Variants in SEPTIN9 observed in about 807,000 individuals in gnomAD.
SEPTIN9 encodes septin-9.
Under a neutral mutation model 56.6 loss-of-function variants are expected in SEPTIN9, and 13 were observed. The ratio of observed to expected loss-of-function variants is 0.23; its 90% CI spans 0.15 to 0.37. The LOEUF is 0.37. SEPTIN9 is among the 10% of genes least tolerant of loss of function. The probability of loss-of-function intolerance (pLI) is 1.00; values close to 1 mark genes in which losing one functional copy is unlikely to be tolerated. For missense variants in SEPTIN9, 650 were observed against 823.1 expected, an observed-to-expected ratio of 0.79 and a Z score of 2.57; for synonymous variants, 332 against 334.1, an observed-to-expected ratio of 0.99 and a Z score of 0.07.
chr17:77,335,399 G>T (rs2033511302), intron 2 of SEPTIN9, among the ~76,000 whole-genome samples: 2 of 149,514 alleles, frequency 1.3e-5, no homozygotes, highest in Non-Finnish European at 3.0e-5. Context: ...TGTATATGTG[G>T]TCCTGTATTA....
intron 2 of SEPTIN9, among the ~76,000 whole-genome samples, chr17:77,363,379 C>CTTTTTTT (rs34313886): frequency 1.1e-4 from 7 of 66,620 alleles, no homozygotes; most frequent in Admixed American, 4.5e-4. Context: ...TTGGGCCTGT[C>CTTTTTTT]TTTTTTTTTT....
Position 77,281,533 on chromosome 17 carries a change from A to G in SEPTIN9, c.-3A>G. 2 of 1,549,510 alleles carry G rather than the reference A, an allele frequency of 1.3e-6. No homozygotes were observed. Among genetic ancestry groups the G allele is most frequent in the Non-Finnish European group, 1.7e-6 (2 of 1,147,366 alleles). ...TCCTGGGAGCGGCGGCCACGGAGGC[A>G]CCATGAAGAAGTCTTACTCAGGTGG... On this transcript the variant is annotated 5_prime_UTR_variant, in exon 1 of 12. Coordinates refer to ENST00000427177, the MANE Select transcript of SEPTIN9 (RefSeq NM_001113491.2).
chr17:77,384,703 C>G (rs2035270536), intron 2 of SEPTIN9, among the ~76,000 whole-genome samples: 1 of 151,868 alleles, frequency 6.6e-6, no homozygotes, highest in Non-Finnish European at 1.5e-5. Flanking sequence ...ACAGTCCGAG[C>G]CAAGAATGAC....
At position 77,485,847 on chromosome 17, in the gene SEPTIN9, TTG is replaced by T. The variant is rs574527591; in HGVS notation, c.914-1573_914-1572del. On this transcript the variant is annotated intron_variant, in intron 4 of 11. Transcript: ENST00000427177. ...AGTGTAATTTAGGGTGTTTTTTGTG[TTG>T]TGTTTTTTTGAGACAGGGTCTCATT... Among the ~76,000 whole-genome samples, 611 of 152,146 alleles carry T rather than the reference TTG, an allele frequency of 4.0e-3. 10 individuals are homozygous for T. Among genetic ancestry groups the T allele is most frequent in the Non-Finnish European group, 3.0e-3 (205 of 68,016 alleles).
chr17:77,335,232 A>G (rs1445091783), intron 2 of SEPTIN9, among the ~76,000 whole-genome samples: 1 of 151,172 alleles, frequency 6.6e-6, no homozygotes, highest in Admixed American at 6.6e-5. Flanking sequence ...GTGGTCCTGT[A>G]TTAGTATATG....
At chr17:77,291,624 C>G (rs2031559067) in intron 1 of SEPTIN9, among the ~76,000 whole-genome samples, 1 of 152,034 alleles carries the variant, frequency 6.6e-6, no homozygotes, top group Non-Finnish European at 1.5e-5. Flanking sequence ...GAGAGTGAAA[C>G]TCCGTCTCAA....
In SEPTIN9 at chr17:77,492,631, A is replaced by G. The variant is rs1302962777; in HGVS notation, c.1391A>G (p.Asp464Gly). The part of the protein sequence containing the change: ...RVHFKQRITA[D>G]LLSNGIDVYP... ...CCCTCCTTATCCCAGATCACCGCAG[A>G]CCTGCTGTCCAACGGCATCGACGTG... Residue 464 changes from aspartate (D) to glycine (G), a missense_variant, in exon 9 of 12, where the codon GAC (aspartate) becomes GGC (glycine). By Grantham distance (94) the Asp-to-Gly change is moderately conservative. Coordinates refer to ENST00000427177, the MANE Select transcript of SEPTIN9 (RefSeq NM_001113491.2). This position sits in a 1 kb window ranked among gnomAD's most constrained non-coding sequence, Gnocchi z 5.4. 6.2e-7 allele frequency: 1 copy of G among 1,614,012 alleles called. No individual in the cohort carries two copies. Among genetic ancestry groups the G allele is most frequent in the South Asian group, 1.1e-5 (1 of 91,082 alleles).
At chr17:77,286,926 C>T (rs111640870) in intron 1 of SEPTIN9, among the ~76,000 whole-genome samples, 5 of 152,284 alleles carry the variant, frequency 3.3e-5, no homozygotes, top group East Asian at 3.9e-4. Flanking sequence ...TGGGTTCCTG[C>T]GCCTCTGTTT....
At chr17:77,459,850 G>C (rs1028626260) in intron 3 of SEPTIN9, among the ~76,000 whole-genome samples, 6 of 152,030 alleles carry the variant, frequency 3.9e-5, no homozygotes, top group African/African-American at 7.2e-5. Context: ...TAATTTTTTT[G>C]TATTTTTACT....
At chr17:77,386,078 T>C (rs1357451796) in intron 2 of SEPTIN9, among the ~76,000 whole-genome samples, 1 of 152,184 alleles carries the variant, frequency 6.6e-6, no homozygotes, top group Non-Finnish European at 1.5e-5. Context: ...TAGATGGCGC[T>C]TGTGACTCCT....
In SEPTIN9 at chr17:77,335,900, G is replaced by A. The variant is rs565535821; in HGVS notation, c.76+28703G>A. 4.9e-5 allele frequency among the ~76,000 whole-genome samples: 6 copies of A among 123,090 alleles called. No individual in the cohort carries two copies. The East Asian group carries it at 9.9e-4, about 20-fold the overall frequency. 80.8% of individuals were successfully genotyped at this position (123,090 alleles called of 152,430 possible). ...TATTAGTATATGTACATATATACAT[G>A]TAGGCCCCGTGTTGACTGTATATGT... On this transcript the variant is annotated intron_variant, in intron 2 of 11. Transcript: ENST00000427177.
intron 2 of SEPTIN9, among the ~76,000 whole-genome samples, chr17:77,320,985 C>A (rs915541693): frequency 6.6e-6 from 1 of 152,246 alleles, no homozygotes; most frequent in Non-Finnish European, 1.5e-5. Flanking sequence ...AGAAAGGGGG[C>A]TCCCCTGCCT....
chr17:77,347,640 A>C (rs1017682002), intron 2 of SEPTIN9, among the ~76,000 whole-genome samples: 1 of 151,892 alleles, frequency 6.6e-6, no homozygotes, highest in Non-Finnish European at 1.5e-5. Flanking sequence ...TTTGGGATGC[A>C]TAAGAAGGCT....
Position 77,327,956 on chromosome 17 carries a change from G to A in SEPTIN9, c.76+20759G>A, listed in dbSNP as rs753777567. On this transcript the variant is annotated intron_variant, in intron 2 of 11. Coordinates refer to ENST00000427177, the MANE Select transcript of SEPTIN9 (RefSeq NM_001113491.2). The surrounding 1 kb of genome is among the most constrained non-coding windows in gnomAD (Gnocchi z 5.0). Reference sequence around the variant, plus strand: ...GCATCCCGATGCTCAGAGTTTCCCCGTGCCCAGTGTGTCCCTGTATCCAGG... The same window carrying A: ...GCATCCCGATGCTCAGAGTTTCCCCATGCCCAGTGTGTCCCTGTATCCAGG... 3.3e-5 allele frequency among the ~76,000 whole-genome samples: 5 copies of A among 151,764 alleles called. No homozygotes were observed. The highest frequency in any genetic ancestry group is 7.4e-5 in the Non-Finnish European group (5 of 67,864).
chr17:77,425,055 C>T lies in SEPTIN9; in HGVS notation c.721+22352C>T, dbSNP rs2036851357. On this transcript the variant is annotated intron_variant, in intron 3 of 11. Transcript: ENST00000427177. The surrounding 1 kb of genome is among the most constrained non-coding windows in gnomAD (Gnocchi z 4.2). ...TGACCACATGTGGAAGTCTAGCGTC[C>T]TTCATGCAAAGTGGGCAGGCGGCCA... Among the ~76,000 whole-genome samples, 1 of 152,214 alleles carries T rather than the reference C, an allele frequency of 6.6e-6. No homozygotes were observed. The highest frequency in any genetic ancestry group is 2.4e-5 in the African/African-American group (1 of 41,446).
Position 77,475,900 on chromosome 17 carries a change from C to G in SEPTIN9, c.722-6244C>G. On this transcript the variant is annotated intron_variant, in intron 3 of 11. Transcript: ENST00000427177. This position sits in a 1 kb window ranked among gnomAD's most constrained non-coding sequence, Gnocchi z 4.6. The stretch of plus-strand genomic sequence containing the variant: ...CTTGGCCACCATTGGCAGTGACAGA[C>G]AAGGTGTGTGGGGATGTGGCCATTT... The G allele has an allele frequency of 6.2e-7, 1 of 1,609,986 alleles. No individual in the cohort carries two copies. Among genetic ancestry groups the G allele is most frequent in the Non-Finnish European group, 8.5e-7 (1 of 1,177,382 alleles).
chr17:77,397,941 C>T (rs993505497), intron 2 of SEPTIN9, among the ~76,000 whole-genome samples: 2 of 151,934 alleles, frequency 1.3e-5, no homozygotes, highest in African/African-American at 4.8e-5. Flanking sequence ...GGATTACAGG[C>T]ATGAGCCACC....
chr17:77,282,531 T>C (rs2031073368), intron 1 of SEPTIN9, among the ~76,000 whole-genome samples: 1 of 152,228 alleles, frequency 6.6e-6, no homozygotes, highest in Non-Finnish European at 1.5e-5. Context: ...GAAGGAGTCA[T>C]CGGGGCCATC....
chr17:77,413,378 T>C (rs1157201310), intron 3 of SEPTIN9, among the ~76,000 whole-genome samples: 1 of 152,162 alleles, frequency 6.6e-6, no homozygotes, highest in Non-Finnish European at 1.5e-5. Context: ...TTCATTACTA[T>C]TTTTTTCCTA....
Sources: gnomAD v4.1 joint callset for allele counts (sites outside exome capture counted in the v4.1 genomes callset) on GRCh38, gnomAD v4.1.1 for gene constraint, Gnocchi (gnomAD v3.1) non-coding constraint, MANE v1.5 for transcripts, NCBI Gene and HGNC (gene_info 2026-07-23, HGNC 2026-07-21) for gene names.